The following APBA3 variants were observed in gnomAD, a reference collection of about 807,000 sequenced individuals.
APBA3 encodes the protein amyloid-beta A4 precursor protein-binding family A member 3.
APBA3 carries 45 observed loss-of-function variants against 55.9 expected under a neutral mutation model. That is an observed-to-expected ratio of 0.80 (90% confidence interval 0.63 to 1.03). APBA3 has a LOEUF of 1.03. Ranked by LOEUF, APBA3 falls within the 50% of genes least tolerant of loss-of-function variation. The pLI, the probability that APBA3 is intolerant of heterozygous loss-of-function variation, is 0.00. For synonymous variants in APBA3, 370 were observed against 353.3 expected (o/e 1.05, Z -0.53); for missense variants, 865 against 820.3 (o/e 1.05, Z -0.67).
chr19:3,752,673 C>G lies in APBA3; in HGVS notation c.1230G>C (p.Val410=). 6.3e-7 allele frequency: 1 copy of G among 1,592,890 alleles called. No homozygotes were observed. The highest frequency in any genetic ancestry group is 8.5e-7 in the Non-Finnish European group (1 of 1,175,066). Residue 410 remains valine, a synonymous_variant, in exon 8 of 11, where the codon GTG becomes GTC. Transcript: ENST00000316757. ...GCAGCAGGGAGCCCCAGCCCGACTC[C>G]ACCAGGGCCACGCCCAGGCCCTCCC... ...RRGEGLGVAL[V]ESGWGSLLPT...
chr19:3,760,447 C>CA, intron 1 of APBA3, 146 bp from the exon 2 acceptor site: 1 of 576,858 alleles, frequency 1.7e-6, no homozygotes, highest in Non-Finnish European at 3.0e-6. Context: ...CCTCTCTCTA[C>CA]AAAAAATACA....
At chr19:3,754,161 C>A in intron 4 of APBA3, 34 bp downstream of exon 4, 1 of 1,546,202 alleles carries the variant, frequency 6.5e-7, no homozygotes. Context: ...TGCAGCCCAC[C>A]CGCCTGCCCG....
chr19:3,751,695 A>T, intron 8 of APBA3, 142 bp from the exon 9 acceptor site: 1 of 1,004,526 alleles, frequency 1.0e-6, no homozygotes, highest in Non-Finnish European at 1.4e-6. Flanking sequence ...CTCAGATGTG[A>T]TAGAGAACAG....
chr19:3,758,910 A>T (rs1032871070), intron 3 of APBA3, among the ~76,000 whole-genome samples: 7 of 151,702 alleles, frequency 4.6e-5, no homozygotes, highest in Non-Finnish European at 1.0e-4. Context: ...CTTTCAATGA[A>T]AAAAAAAGTC....
intron 2 of APBA3, 33 bp downstream of exon 2, chr19:3,759,656 T>C (rs1179866597): frequency 6.2e-7 from 1 of 1,609,482 alleles, no homozygotes; most frequent in Non-Finnish European, 8.5e-7. Context: ...TTCCAGGCAG[T>C]CCAGGATGCC....
Position 3,752,549 on chromosome 19 carries a change from G to C in APBA3, c.1354C>G (p.Leu452Val), listed in dbSNP as rs2037020746. 1.3e-6 allele frequency: 2 copies of C among 1,589,330 alleles called. No individual in the cohort carries two copies. The highest frequency in any genetic ancestry group is 1.7e-6 in the Non-Finnish European group (2 of 1,172,892). Residue 452 changes from leucine to valine, a missense_variant, in exon 8 of 11, where the codon CTG becomes GTG. Coordinates refer to ENST00000316757, the MANE Select transcript of APBA3 (RefSeq NM_004886.4). ...DRLTAINGTS[L>V]VGLPLAACQA... Reference sequence around the variant, plus strand: ...CACGCAGCCAGGGGCAGCCCCACCAGGCTGGTCCCGTTGATGGCGGTCAGG... The same window carrying C: ...CACGCAGCCAGGGGCAGCCCCACCACGCTGGTCCCGTTGATGGCGGTCAGG...
In APBA3 at chr19:3,754,005, T is replaced by TA. The variant is rs2037044114; in HGVS notation, c.849+13_849+14insT. Reference sequence around the variant, plus strand: ...ACCCCACCCGCATCCCTGGGGCGGGTCCCTGCCCCGTACCTGGGAGTCCGC... The same window carrying TA: ...ACCCCACCCGCATCCCTGGGGCGGGTACCCTGCCCCGTACCTGGGAGTCCGC... On this transcript the variant is annotated intron_variant, in intron 5 of 10. Coordinates refer to ENST00000316757, the MANE Select transcript of APBA3 (RefSeq NM_004886.4). 3 of 1,600,170 alleles carry TA rather than the reference T, an allele frequency of 1.9e-6. No homozygotes were observed. The African/African-American group carries it at 4.0e-5, about 22-fold the overall frequency.
rs1021717384 is a variant in APBA3 at position 3,760,142 on chromosome 19, T to C, written c.123A>G (p.Pro41=). ...LTPDSQWDPM[P]GGPGSLSRME... Reference sequence around the variant, plus strand: ...TCCGACTGAGGCTGCCGGGGCCTCCTGGCATAGGGTCCCACTGGCTGTCAG... The same window carrying C: ...TCCGACTGAGGCTGCCGGGGCCTCCCGGCATAGGGTCCCACTGGCTGTCAG... The change falls in exon 2 of 11, where the codon CCA becomes CCG. Residue 41 remains proline (P), a synonymous_variant. Coordinates refer to ENST00000316757, the MANE Select transcript of APBA3 (RefSeq NM_004886.4). The C allele has an allele frequency of 6.2e-7, 1 of 1,613,416 alleles. No homozygotes were observed. Among genetic ancestry groups the C allele is most frequent in the South Asian group, 1.1e-5 (1 of 91,082 alleles).
rs750303900 is a variant in APBA3 at position 3,752,616 on chromosome 19, C to G, written c.1287G>C (p.Gly429=). 1.9e-6 allele frequency: 3 copies of G among 1,587,220 alleles called. No individual in the cohort carries two copies. Among genetic ancestry groups the G allele is most frequent in the Non-Finnish European group, 2.6e-6 (3 of 1,172,258 alleles). ...PTAVIANLLH[G]GPAERSGALS... is the part of the protein sequence containing the mutation. The stretch of plus-strand genomic sequence containing the variant: ...GGGCCCCCGAGCGCTCAGCAGGCCC[C>G]CCGTGCAGCAGGTTGGCGATGACGG... Residue 429 remains glycine, a synonymous_variant, in exon 8 of 11, where the codon GGG becomes GGC. Transcript: ENST00000316757.
At chr19:3,753,629 GA>G in intron 6 of APBA3, 135 bp downstream of exon 6, 1 of 911,862 alleles carries the variant, frequency 1.1e-6, no homozygotes, top group Admixed American at 3.0e-5. Context: ...CTGGGTGACA[GA>G]AGGAGACCTT....
chr19:3,759,855 C>T lies in APBA3; in HGVS notation c.410G>A (p.Arg137Gln), dbSNP rs769019461. ...GPEEPLEPAPRLLQPPEDPDE... is the reference protein window; with the variant it reads ...GPEEPLEPAPQLLQPPEDPDE... Reference sequence around the variant, plus strand: ...TGGGTCCTCAGGGGGCTGCAACAGTCGGGGGGCAGGCTCTAGAGGCTCTTC... The same window carrying T: ...TGGGTCCTCAGGGGGCTGCAACAGTTGGGGGGCAGGCTCTAGAGGCTCTTC... Residue 137 changes from arginine to glutamine, a missense_variant, in exon 2 of 11, where the codon CGA (arginine) becomes CAA (glutamine). Physicochemically the swap from Arg to Gln is conservative, Grantham distance 43. Coordinates refer to ENST00000316757, the MANE Select transcript of APBA3 (RefSeq NM_004886.4). The T allele has an allele frequency of 8.1e-6, 13 of 1,612,308 alleles. No individual in the cohort carries two copies. The highest frequency in any genetic ancestry group is 3.3e-5 in the Admixed American group (2 of 59,854).
chr19:3,758,942 C>G lies in APBA3; in HGVS notation c.616+619G>C, dbSNP rs991400976. 2.0e-5 allele frequency among the ~76,000 whole-genome samples: 3 copies of G among 151,960 alleles called. No homozygotes were observed. The South Asian group carries it at 6.2e-4, about 32-fold the overall frequency. On this transcript the variant is annotated intron_variant, in intron 3 of 10. Coordinates refer to ENST00000316757, the MANE Select transcript of APBA3 (RefSeq NM_004886.4). ...AGTCAATTAAAAATGCAAAGGACAC[C>G]CGGGCATGGTGGCTCACGCCTGTAA... is the stretch of plus-strand genomic sequence containing the variant.
Position 3,757,938 on chromosome 19 carries a change from G to T in APBA3, c.616+1623C>A, listed in dbSNP as rs567744650. Among the ~76,000 whole-genome samples the T allele has an allele frequency of 1.1e-4, 16 of 152,234 alleles. No homozygotes were observed. The South Asian group carries it at 3.1e-3, about 30-fold the overall frequency. On this transcript the variant is annotated intron_variant, in intron 3 of 10. Coordinates refer to ENST00000316757, the MANE Select transcript of APBA3 (RefSeq NM_004886.4). ...ACTTTATTTATGTACACTGAAATTTGTTTTTCTTTTTTTAGAGACAGAGTC... is the reference window on the plus strand; with the variant it reads ...ACTTTATTTATGTACACTGAAATTTTTTTTTCTTTTTTTAGAGACAGAGTC...
At chr19:3,752,440 G>A (rs550782811) in intron 8 of APBA3, 68 bp downstream of exon 8, 7 of 1,419,260 alleles carry the variant, frequency 4.9e-6, no homozygotes, top group East Asian at 2.5e-5. Flanking sequence ...TGGCCAGGGA[G>A]GAGACCTCTC....
chr19:3,759,460 G>A, intron 3 of APBA3, 101 bp downstream of exon 3: 1 of 1,226,488 alleles, frequency 8.2e-7, no homozygotes, highest in Non-Finnish European at 1.2e-6. Flanking sequence ...AGGCTCCCGA[G>A]AACCTCGTCC....
At chr19:3,758,315 G>A (rs756788392) in intron 3 of APBA3, among the ~76,000 whole-genome samples, 7 of 150,744 alleles carry the variant, frequency 4.6e-5, no homozygotes, top group Admixed American at 2.0e-4. Flanking sequence ...GTGCAGTGGC[G>A]TGGGGTGATC....
intron 3 of APBA3, 45 bp from the exon 4 acceptor site, chr19:3,754,385 C>T: frequency 2.6e-6 from 4 of 1,528,246 alleles, no homozygotes; most frequent in Non-Finnish European, 3.5e-6. Context: ...GGCCCACTCC[C>T]ACAGGCTCTG....
intron 1 of APBA3, among the ~76,000 whole-genome samples, chr19:3,760,905 CCT>C (rs2037138499): frequency 6.6e-6 from 1 of 151,866 alleles, no homozygotes; most frequent in Non-Finnish European, 1.5e-5. Flanking sequence ...AGAGTGAGGC[CCT>C]GTCTTAAAAA....
At position 3,751,421 on chromosome 19, in the gene APBA3, G is replaced by C; in HGVS notation, c.1515+13C>G. On this transcript the variant is annotated intron_variant, in intron 9 of 10. Transcript: ENST00000316757. ...CTACCCCCCCACCCCGGGGCCAGGGGCCGGGGCCTCACGATGCCGTCCTCC... is the reference window on the plus strand; with the variant it reads ...CTACCCCCCCACCCCGGGGCCAGGGCCCGGGGCCTCACGATGCCGTCCTCC... 6.6e-7 allele frequency: 1 copy of C among 1,525,012 alleles called. No homozygotes were observed. The allele number at this position is 1,525,012 out of a possible 1,614,324, so 94.5% of individuals were successfully genotyped here.
Sources: gnomAD v4.1 joint callset for allele counts (sites outside exome capture counted in the v4.1 genomes callset) on GRCh38, gnomAD v4.1.1 for gene constraint, MANE v1.5 for transcripts, NCBI Gene and HGNC (gene_info 2026-07-23, HGNC 2026-07-21) for gene names.